The following AGBL1 variants were observed in gnomAD, a reference collection of about 807,000 sequenced individuals.
AGBL1 encodes the protein cytosolic carboxypeptidase 4.
AGBL1 carries 130 observed loss-of-function variants against 118.9 expected under a neutral mutation model. The observed-to-expected ratio is 1.09, with a 90% CI of 0.95 to 1.26. AGBL1 has a LOEUF of 1.26. Ranked by LOEUF, AGBL1 falls within the 50% of genes most tolerant of loss-of-function variation. The pLI, the probability that AGBL1 is intolerant of heterozygous loss-of-function variation, is 0.00. For synonymous variants in AGBL1, 555 were observed against 478.9 expected (o/e 1.16, Z -2.08); for missense variants, 1,584 against 1,298.1 (o/e 1.22, Z -3.38).
intron 22 of AGBL1, among the ~76,000 whole-genome samples, chr15:86,817,963 C>G (rs1254895336): frequency 6.6e-6 from 1 of 152,104 alleles, no homozygotes; most frequent in Non-Finnish European, 1.5e-5. Context: ...AGTGATGGAT[C>G]TGTAAGCAAA....
At chr15:86,710,579 T>G (rs1215952173) in intron 22 of AGBL1, among the ~76,000 whole-genome samples, 1 of 152,168 alleles carries the variant, frequency 6.6e-6, no homozygotes, top group Non-Finnish European at 1.5e-5. Context: ...CCTTTAAAAT[T>G]AAATTGCTAT....
intron 22 of AGBL1, among the ~76,000 whole-genome samples, chr15:86,760,856 G>A (rs113244802): frequency 6.6e-6 from 1 of 152,032 alleles, no homozygotes; most frequent in African/African-American, 2.4e-5. Context: ...GAGAGGAAAA[G>A]CCACAACTTA....
chr15:86,209,641 C>CA (rs1555448638), intron 5 of AGBL1, among the ~76,000 whole-genome samples: 1 of 151,024 alleles, frequency 6.6e-6, no homozygotes, highest in African/African-American at 2.4e-5. Flanking sequence ...GCAATCCCTG[C>CA]TTTTTTTTTG....
intron 5 of AGBL1, among the ~76,000 whole-genome samples, chr15:86,161,755 A>C (rs1344723402): frequency 6.6e-6 from 1 of 152,120 alleles, no homozygotes; most frequent in Non-Finnish European, 1.5e-5. Flanking sequence ...CTTGTTTTCT[A>C]TCTTATCCTT....
intron 17 of AGBL1, among the ~76,000 whole-genome samples, chr15:86,330,752 A>T (rs1327596850): frequency 6.6e-6 from 1 of 151,890 alleles, no homozygotes; most frequent in Admixed American, 6.6e-5. Context: ...GAAATGAAGG[A>T]TGAAATAAAT....
chr15:86,611,723 TACTC>T (rs1407712318), intron 21 of AGBL1, among the ~76,000 whole-genome samples: 2 of 151,942 alleles, frequency 1.3e-5, no homozygotes, highest in Non-Finnish European at 1.5e-5. Context: ...TAAAGCATGA[TACTC>T]ACAGGCAACA....
intron 7 of AGBL1, among the ~76,000 whole-genome samples, chr15:86,255,364 A>G (rs1408842761): frequency 6.6e-6 from 1 of 152,176 alleles, no homozygotes; most frequent in African/African-American, 2.4e-5. Context: ...TTCATTTTCC[A>G]CCAAGAGTAT....
chr15:86,344,340 G>A (rs1175625853), intron 17 of AGBL1, among the ~76,000 whole-genome samples: 4 of 152,168 alleles, frequency 2.6e-5, no homozygotes, highest in Non-Finnish European at 2.9e-5. Flanking sequence ...GTTCTGCCAA[G>A]CACGAAGCCA....
At chr15:86,244,768 C>T (rs1474841092) in intron 6 of AGBL1, among the ~76,000 whole-genome samples, 5 of 152,184 alleles carry the variant, frequency 3.3e-5, no homozygotes, top group Admixed American at 2.0e-4. Context: ...TAAGCTTATG[C>T]TGCCCACGGG....
chr15:86,964,559 C>T (rs1374578610), intron 23 of AGBL1, among the ~76,000 whole-genome samples: 1 of 151,902 alleles, frequency 6.6e-6, no homozygotes, highest in African/African-American at 2.4e-5. Context: ...GAACATGAAC[C>T]ACTGACACAA....
intron 5 of AGBL1, among the ~76,000 whole-genome samples, chr15:86,201,356 G>A (rs974171321): frequency 1.3e-5 from 2 of 152,194 alleles, no homozygotes; most frequent in African/African-American, 2.4e-5. Flanking sequence ...GCAACCTTGG[G>A]TAGGATGTTG....
rs540114337 is a variant in AGBL1 at position 86,539,362 on chromosome 15, C to T, written c.2686-6640C>T. On this transcript the variant is annotated intron_variant, in intron 19 of 22. Coordinates refer to ENST00000614907, the MANE Select transcript of AGBL1 (RefSeq NM_001386094.1). ...AACTCCTGTAGATTTTACTTCTTTA[C>T]TCTCACAAAACTTCTTTTCTTTATA... 5.9e-5 allele frequency among the ~76,000 whole-genome samples: 9 copies of T among 152,260 alleles called. No homozygotes were observed. In the East Asian group the frequency reaches 1.7e-3, roughly 29 times the overall value.
chr15:86,840,519 C>G (rs1244950390), intron 22 of AGBL1, among the ~76,000 whole-genome samples: 2 of 152,188 alleles, frequency 1.3e-5, no homozygotes, highest in Admixed American at 6.5e-5. Flanking sequence ...GATCTCGACT[C>G]ACTGCAACCT....
chr15:86,367,871 A>G (rs1346083644), intron 17 of AGBL1, among the ~76,000 whole-genome samples: 1 of 152,198 alleles, frequency 6.6e-6, no homozygotes, highest in Non-Finnish European at 1.5e-5. Flanking sequence ...AATGTTGAGG[A>G]AGACTTAAGT....
intron 18 of AGBL1, among the ~76,000 whole-genome samples, chr15:86,506,129 CTCAG>C (rs1193056161): frequency 1.3e-5 from 2 of 152,024 alleles, no homozygotes; most frequent in African/African-American, 2.4e-5. Context: ...GCCTTCAACA[CTCAG>C]TCAGACAGTT....
intron 18 of AGBL1, among the ~76,000 whole-genome samples, chr15:86,511,742 G>A (rs1000536207): frequency 6.6e-6 from 1 of 152,008 alleles, no homozygotes. Flanking sequence ...TGATGATGAT[G>A]ATTGAGATAA....
intron 22 of AGBL1, among the ~76,000 whole-genome samples, chr15:86,827,007 C>T (rs1285729564): frequency 2.6e-5 from 4 of 151,562 alleles, no homozygotes; most frequent in Admixed American, 1.3e-4. Flanking sequence ...TGATTAAAGG[C>T]AAAGGTCTAC....
intron 22 of AGBL1, among the ~76,000 whole-genome samples, chr15:86,746,288 A>T (rs913229568): frequency 6.6e-6 from 1 of 152,112 alleles, no homozygotes; most frequent in Non-Finnish European, 1.5e-5. Flanking sequence ...ATCCATATTG[A>T]AAAGGTTTTA....
chr15:86,617,811 GAGAA>G (rs1190139808), intron 21 of AGBL1, among the ~76,000 whole-genome samples: 9 of 151,866 alleles, frequency 5.9e-5, no homozygotes, highest in Non-Finnish European at 1.0e-4. Context: ...CAGAGCGAGA[GAGAA>G]AGAGATTTTT....
Sources: gnomAD v4.1 joint callset for allele counts (sites outside exome capture counted in the v4.1 genomes callset) on GRCh38, gnomAD v4.1.1 for gene constraint, MANE v1.5 for transcripts, NCBI Gene and HGNC (gene_info 2026-07-23, HGNC 2026-07-21) for gene names.